The following CNR1 variants were observed in gnomAD, a reference collection of about 807,000 sequenced individuals.
CNR1 encodes cannabinoid receptor 1 (brain).
Under a neutral mutation model 23.0 loss-of-function variants are expected in CNR1, and 10 were observed. The observed-to-expected ratio is 0.43, with a 90% CI of 0.27 to 0.74. The LOEUF is 0.74. CNR1 is among the 30% of genes least tolerant of loss of function. The pLI is 0.19. For synonymous variants in CNR1, 271 were observed against 255.2 expected (o/e 1.06, Z -0.59); for missense variants, 422 against 618.8 (o/e 0.68, Z 3.37).
intron 1 of CNR1, among the ~76,000 whole-genome samples, chr6:88,154,166 CTCTAG>C (rs1354379836): frequency 6.6e-6 from 1 of 152,106 alleles, no homozygotes; most frequent in African/African-American, 2.4e-5. Flanking sequence ...GCACCATTTT[CTCTAG>C]TCTATTCTTT....
intron 1 of CNR1, among the ~76,000 whole-genome samples, chr6:88,151,777 G>GAT (rs1286345018): frequency 2.0e-5 from 3 of 151,900 alleles, no homozygotes; most frequent in African/African-American, 7.3e-5. Flanking sequence ...GCAAATAGTA[G>GAT]ATATATATAG....
rs149238893 is a variant in CNR1, at chr6:88,143,988, C to T, written c.1287G>A (p.Ser429=). 6.9e-5 allele frequency: 111 copies of T among 1,613,932 alleles called. No homozygotes were observed. The Admixed American group carries it at 1.4e-3, about 20-fold the overall frequency. ...TGTTTGCGTGTTTGTGCAGGCAGTC[C>T]GAGTCCCCCATGCTGTTATCCAGAG... ...AQPLDNSMGD[S]DCLHKHANNA... is the part of the protein sequence containing the mutation. Residue 429 remains serine (S), a synonymous_variant, in exon 2 of 2, where the codon TCG becomes TCA. Transcript: ENST00000369501.
chr6:88,158,101 T>C (rs2127765937), intron 1 of CNR1, among the ~76,000 whole-genome samples: 1 of 152,150 alleles, frequency 6.6e-6, no homozygotes, highest in South Asian at 2.1e-4. Context: ...AACAGAAAAA[T>C]ATGCTTTCAA....
At chr6:88,155,003 G>T (rs1262194037) in intron 1 of CNR1, among the ~76,000 whole-genome samples, 1 of 152,170 alleles carries the variant, frequency 6.6e-6, no homozygotes, top group Non-Finnish European at 1.5e-5. Flanking sequence ...ATGAGATTTG[G>T]TCATTAAAAG....
intron 1 of CNR1, among the ~76,000 whole-genome samples, chr6:88,158,264 C>T (rs1777906914): frequency 6.6e-6 from 1 of 152,140 alleles, no homozygotes; most frequent in Non-Finnish European, 1.5e-5. Flanking sequence ...TGAGGCTGTT[C>T]TATTGTATTC....
At chr6:88,162,578 T>C (rs1210620085) in intron 1 of CNR1, among the ~76,000 whole-genome samples, 4 of 152,212 alleles carry the variant, frequency 2.6e-5, no homozygotes, top group Admixed American at 6.5e-5. Flanking sequence ...GCAGCATTCA[T>C]GCAGCCATAA....
At chr6:88,148,180 G>A (rs1276758301) in intron 1 of CNR1, among the ~76,000 whole-genome samples, 13 of 152,132 alleles carry the variant, frequency 8.5e-5, no homozygotes, top group Non-Finnish European at 1.8e-4. Flanking sequence ...TTACACTCCC[G>A]CCTGGTCAAC....
At chr6:88,146,102 T>A (rs1005671247) in intron 1 of CNR1, among the ~76,000 whole-genome samples, 3 of 151,770 alleles carry the variant, frequency 2.0e-5, no homozygotes, top group African/African-American at 7.3e-5. Flanking sequence ...GTTTTTTTTT[T>A]CTTTCTTTCT....
In CNR1 at chr6:88,144,312, C is replaced by A; in HGVS notation, c.963G>T (p.Thr321=). The A allele has an allele frequency of 6.2e-7, 1 of 1,612,790 alleles. No homozygotes were observed. Among genetic ancestry groups the A allele is most frequent in the Non-Finnish European group, 8.5e-7 (1 of 1,179,964 alleles). ...RGTQKSIIIH[T]SEDGKVQVTR... is the part of the protein sequence containing the mutation. The stretch of plus-strand genomic sequence containing the variant: ...TCACCTGTACCTTCCCATCCTCAGA[C>A]GTGTGGATGATGATGCTCTTCTGGG... The change falls in exon 2 of 2, where the codon ACG becomes ACT. Residue 321 remains threonine (T), a synonymous_variant. Transcript: ENST00000369501. This position sits in a 1 kb window ranked among gnomAD's most constrained non-coding sequence, Gnocchi z 7.8.
chr6:88,166,993 C>A (rs1778396396), upstream of CNR1, among the ~76,000 whole-genome samples: 1 of 151,896 alleles, frequency 6.6e-6, no homozygotes, highest in Non-Finnish European at 1.5e-5. Context: ...GCCACCTGTC[C>A]TCCGCCCTCG....
At position 88,166,163 on chromosome 6, in the gene CNR1, G is replaced by C. The variant is rs532812807; in HGVS notation, c.-424C>G. 1.3e-5 allele frequency: 2 copies of C among 152,116 alleles called. No individual in the cohort carries two copies. The highest frequency in any genetic ancestry group is 4.1e-4 in the South Asian group (2 of 4,832). The allele number at this position is 152,116 out of a possible 1,614,324, so 9.4% of individuals were successfully genotyped here. On this transcript the variant is annotated 5_prime_UTR_variant, in exon 1 of 2. Transcript: ENST00000369501. ...GTCTCCAGCGCCCGCCCGCGACAGC[G>C]ACCGGGACTGGCGCCCCGCTGCTCC...
chr6:88,159,330 G>T (rs1424876337), intron 1 of CNR1, among the ~76,000 whole-genome samples: 2 of 152,052 alleles, frequency 1.3e-5, no homozygotes, highest in Admixed American at 6.6e-5. Context: ...TTTGCTGTAG[G>T]CCCAAGTAAT....
At position 88,143,124 on chromosome 6, in the gene CNR1, A is replaced by C. The variant is rs749935166; in HGVS notation, c.*732T>G. ...TTCCTATGAAAATGCAGGGCTAATAAATTTTTAAGTATGAATGAATTCTGC... is the reference window on the plus strand; with the variant it reads ...TTCCTATGAAAATGCAGGGCTAATACATTTTTAAGTATGAATGAATTCTGC... On this transcript the variant is annotated 3_prime_UTR_variant, in exon 2 of 2. Transcript: ENST00000369501. 2.6e-5 allele frequency: 4 copies of C among 152,396 alleles called. No individual in the cohort carries two copies. The highest frequency in any genetic ancestry group is 5.9e-5 in the Non-Finnish European group (4 of 68,050). 9.4% of individuals were successfully genotyped at this position (152,396 alleles called of 1,614,324 possible).
chr6:88,152,823 A>G (rs1205216712), intron 1 of CNR1, among the ~76,000 whole-genome samples: 2 of 152,150 alleles, frequency 1.3e-5, no homozygotes, highest in African/African-American at 2.4e-5. Context: ...ACTTCCTTTG[A>G]GAGTTCATTA....
At chr6:88,162,834 C>G (rs1455793811) in intron 1 of CNR1, 1 of 152,164 alleles carries the variant, frequency 6.6e-6, no homozygotes, top group Non-Finnish European at 1.5e-5. Flanking sequence ...ATGTTGGGTC[C>G]ACATTGTTTT....
intron 1 of CNR1, among the ~76,000 whole-genome samples, chr6:88,148,724 G>A (rs879721907): frequency 3.9e-5 from 6 of 152,166 alleles, no homozygotes; most frequent in Non-Finnish European, 5.9e-5. Flanking sequence ...TATGCAATAA[G>A]CAACTTTGGC....
In CNR1 at chr6:88,143,701, A is replaced by G; in HGVS notation, c.*155T>C. ...GGAGTTTGAGTACCTAAACTATGGA[A>G]ACATTAGCAAACTGATAAGTGATCA... On this transcript the variant is annotated 3_prime_UTR_variant, in exon 2 of 2. Coordinates refer to ENST00000369501, the MANE Select transcript of CNR1 (RefSeq NM_016083.6). 6.2e-6 allele frequency: 4 copies of G among 648,476 alleles called. No individual in the cohort carries two copies. The highest frequency in any genetic ancestry group is 1.1e-5 in the Non-Finnish European group (4 of 370,496). The allele number at this position is 648,476 out of a possible 1,614,324, so 40.2% of individuals were successfully genotyped here. A position where few individuals can be genotyped will look rare whatever the true frequency, so the allele number is the denominator to read the frequency against.
At position 88,143,836 on chromosome 6, in the gene CNR1, C is replaced by T; in HGVS notation, c.*20G>A. On this transcript the variant is annotated 3_prime_UTR_variant, in exon 2 of 2. Coordinates refer to ENST00000369501, the MANE Select transcript of CNR1 (RefSeq NM_016083.6). ...TAAAAAAAAAAATTCTTTTCCTGTG[C>T]TGCCAGGGAGGCATCAGGCTCACAG... 6.3e-7 allele frequency: 1 copy of T among 1,580,204 alleles called. No homozygotes were observed. The highest frequency in any genetic ancestry group is 8.6e-7 in the Non-Finnish European group (1 of 1,159,858).
chr6:88,166,660 C>T (rs1247478366), upstream of CNR1, among the ~76,000 whole-genome samples: 5 of 152,202 alleles, frequency 3.3e-5, no homozygotes, highest in African/African-American at 9.6e-5. Flanking sequence ...GATACCCTCA[C>T]ACCCTGACCA....
Sources: allele counts gnomAD v4.1 joint callset (sites outside exome capture counted in the v4.1 genomes callset), GRCh38; gene constraint gnomAD v4.1.1; non-coding constraint Gnocchi (gnomAD v3.1); transcripts MANE v1.5; gene names NCBI Gene and HGNC (gene_info 2026-07-23, HGNC 2026-07-21).